The following CUL5 variants were observed in gnomAD, a reference collection of about 807,000 sequenced individuals.
CUL5 encodes cullin-5.
Under a neutral mutation model 108.8 loss-of-function variants are expected in CUL5, and 26 were observed. The ratio of observed to expected loss-of-function variants is 0.24; its 90% CI spans 0.18 to 0.33. The LOEUF (loss-of-function observed/expected upper bound fraction) is 0.33, where lower values mean the gene tolerates loss of function less well. CUL5 is among the 10% of genes least tolerant of loss of function. The probability of loss-of-function intolerance (pLI) is 1.00; values close to 1 mark genes in which losing one functional copy is unlikely to be tolerated. For missense variants in CUL5, 524 were observed against 909.2 expected (o/e 0.58, Z 5.45); for synonymous variants, 334 against 298.0 (o/e 1.12, Z -1.25).
intron 10 of CUL5, 56 bp downstream of exon 10, chr11:108,073,553 A>G (rs1863876828): frequency 1.3e-6 from 1 of 748,370 alleles, no homozygotes; most frequent in South Asian, 2.4e-5. Flanking sequence ...CTCATAATTT[A>G]CTTCTAATAA....
intron 7 of CUL5, 133 bp from the exon 8 acceptor site, chr11:108,069,963 T>C: frequency 1.9e-6 from 1 of 519,886 alleles, no homozygotes; most frequent in Non-Finnish European, 3.4e-6. Context: ...AATAATCCTA[T>C]AGTTAAGGTA....
Position 108,054,631 on chromosome 11 carries a change from ATTT to A in CUL5, c.554-14_554-12del. 1.3e-6 allele frequency: 2 copies of A among 1,510,534 alleles called. No homozygotes were observed. Among genetic ancestry groups the A allele is most frequent in the Non-Finnish European group, 1.8e-6 (2 of 1,103,126 alleles). The allele number at this position is 1,510,534 out of a possible 1,614,324, so 93.6% of individuals were successfully genotyped here. On this transcript the variant is annotated splice_polypyrimidine_tract_variant and intron_variant, in intron 5 of 18. Coordinates refer to ENST00000393094, the MANE Select transcript of CUL5 (RefSeq NM_003478.6). ...TTGATCATAATTGGAGTAATACTTT[ATTT>A]TCTGTTTTTCAGTTAACCTTTGTTC...
In CUL5 at chr11:108,104,394, T is replaced by C. The variant is rs564781342; in HGVS notation, c.*10T>C. ...CATATATATGGCATAATTTTGAATA[T>C]CATGGACAATATTTAGAACCCAAAT... is the stretch of plus-strand genomic sequence containing the variant. On this transcript the variant is annotated 3_prime_UTR_variant, in exon 19 of 19. Coordinates refer to ENST00000393094, the MANE Select transcript of CUL5 (RefSeq NM_003478.6). 22 of 1,487,228 alleles carry C rather than the reference T, an allele frequency of 1.5e-5. No homozygotes were observed. The highest frequency in any genetic ancestry group is 1.3e-4 in the Admixed American group (5 of 38,792). The allele number at this position is 1,487,228 out of a possible 1,614,324, so 92.1% of individuals were successfully genotyped here.
At chr11:108,017,973 G>T (rs1317741804) in intron 1 of CUL5, among the ~76,000 whole-genome samples, 3 of 152,058 alleles carry the variant, frequency 2.0e-5, no homozygotes, top group Non-Finnish European at 2.9e-5. Flanking sequence ...TCCTCATGTT[G>T]ACATTTCAGC....
At chr11:108,014,883 T>C (rs1329841207) in intron 1 of CUL5, among the ~76,000 whole-genome samples, 1 of 152,022 alleles carries the variant, frequency 6.6e-6, no homozygotes, top group Non-Finnish European at 1.5e-5. Flanking sequence ...TGCTCGGTGC[T>C]CTTATTATTA....
intron 3 of CUL5, 152 bp downstream of exon 3, chr11:108,046,521 C>T (rs753684766): frequency 5.6e-6 from 3 of 539,322 alleles, no homozygotes; most frequent in East Asian, 3.1e-5. Context: ...ATGAAATGAT[C>T]GTCATTAGTT....
chr11:108,068,619 C>T (rs947931596), intron 7 of CUL5, among the ~76,000 whole-genome samples: 4 of 152,148 alleles, frequency 2.6e-5, no homozygotes, highest in African/African-American at 9.7e-5. Flanking sequence ...ATAATTGCCT[C>T]CCTTAATTTA....
chr11:108,017,389 CAAAA>C (rs71840119), intron 1 of CUL5, among the ~76,000 whole-genome samples: 214 of 102,920 alleles, frequency 2.1e-3, no homozygotes, highest in East Asian at 3.6e-3. Flanking sequence ...GACCCTGTCT[CAAAA>C]AAAAAAAAAA....
At chr11:108,100,233 A>G (rs1306629627) in intron 18 of CUL5, among the ~76,000 whole-genome samples, 4 of 152,194 alleles carry the variant, frequency 2.6e-5, no homozygotes, top group African/African-American at 9.6e-5. Context: ...CAGTATGGCA[A>G]GAAGATTAAT....
chr11:108,077,125 C>A (rs1010555560), intron 10 of CUL5, among the ~76,000 whole-genome samples: 1 of 152,090 alleles, frequency 6.6e-6, no homozygotes, highest in Admixed American at 6.6e-5. Flanking sequence ...GAGGACAGAT[C>A]CAAGGATTGG....
chr11:108,081,285 CTCAACA>C (rs1166395199), intron 11 of CUL5, among the ~76,000 whole-genome samples: 1 of 152,070 alleles, frequency 6.6e-6, no homozygotes, highest in Non-Finnish European at 1.5e-5. Flanking sequence ...GAGACTTCGT[CTCAACA>C]ACAACAACAA....
At chr11:108,095,780 A>G (rs1864475449) in intron 16 of CUL5, 89 bp downstream of exon 16, 2 of 1,188,018 alleles carry the variant, frequency 1.7e-6, no homozygotes, top group African/African-American at 1.5e-5. Context: ...GTAAATTCAT[A>G]ACAGTTTCAG....
At chr11:108,090,943 T>G (rs2135229542) in intron 13 of CUL5, among the ~76,000 whole-genome samples, 1 of 152,302 alleles carries the variant, frequency 6.6e-6, no homozygotes, top group Non-Finnish European at 1.5e-5. Flanking sequence ...GTCAAAAGAC[T>G]CAAAACTCTT....
At chr11:108,011,596 T>TA (rs370615007) in intron 1 of CUL5, among the ~76,000 whole-genome samples, 2,401 of 151,440 alleles carry the variant, frequency 0.016, 49 homozygotes, top group Middle Eastern at 0.051. Flanking sequence ...GCCAATGTCA[T>TA]AAAAAAAACC....
At chr11:108,035,334 G>A (rs951026548) in intron 2 of CUL5, among the ~76,000 whole-genome samples, 1 of 152,168 alleles carries the variant, frequency 6.6e-6, no homozygotes, top group African/African-American at 2.4e-5. Context: ...TCCCATCAGA[G>A]AATAAGCCTT....
Position 108,065,852 on chromosome 11 carries a change from G to A in CUL5, c.781-4244G>A, listed in dbSNP as rs147540290. Among the ~76,000 whole-genome samples, 6 of 152,056 alleles carry A rather than the reference G, an allele frequency of 3.9e-5. No individual in the cohort carries two copies. The East Asian group carries it at 5.8e-4, about 15-fold the overall frequency. ...TGGTGTTCCTGCAGGAGGAATGATC[G>A]GTGGAAGCTTCTATTTGGCCATCTT... On this transcript the variant is annotated intron_variant, in intron 7 of 18. Coordinates refer to ENST00000393094, the MANE Select transcript of CUL5 (RefSeq NM_003478.6).
intron 13 of CUL5, among the ~76,000 whole-genome samples, chr11:108,090,259 C>T (rs1045522334): frequency 6.6e-6 from 1 of 152,042 alleles, no homozygotes; most frequent in East Asian, 1.9e-4. Context: ...GAGGCCAAGG[C>T]AGGTGGATCA....
chr11:108,071,016 A>G (rs1863806817), intron 8 of CUL5, among the ~76,000 whole-genome samples: 1 of 152,234 alleles, frequency 6.6e-6, no homozygotes, highest in Non-Finnish European at 1.5e-5. Flanking sequence ...AGTGGTAATC[A>G]GTACCGTGAG....
At chr11:108,102,047 G>T (rs920512719) in intron 18 of CUL5, among the ~76,000 whole-genome samples, 1 of 151,900 alleles carries the variant, frequency 6.6e-6, no homozygotes, top group Non-Finnish European at 1.5e-5. Context: ...TTTGAGACAG[G>T]GTCTCACCCT....
Sources: allele counts gnomAD v4.1 joint callset (sites outside exome capture counted in the v4.1 genomes callset), GRCh38; gene constraint gnomAD v4.1.1; transcripts MANE v1.5; gene names NCBI Gene and HGNC (gene_info 2026-07-23, HGNC 2026-07-21).